FAF1: variants seen among roughly 807,000 people sequenced by gnomAD.
FAF1 encodes Fas associated factor 1, also known as FAS-associated factor 1.
Under a neutral mutation model 92.5 loss-of-function variants are expected in FAF1, and 25 were observed. That is an observed-to-expected ratio of 0.27 (90% CI 0.20 to 0.38). The LOEUF (loss-of-function observed/expected upper bound fraction) is 0.38, where lower values mean the gene tolerates loss of function less well. Among genes scored for constraint, FAF1 ranks in the 10% least tolerant of loss-of-function variants. FAF1 has a pLI of 1.00. For synonymous variants in FAF1, 234 were observed against 273.2 expected, an observed-to-expected ratio of 0.86 and a Z score of 1.42; for missense variants, 636 against 793.3, an observed-to-expected ratio of 0.80 and a Z score of 2.38.
At chr1:50,958,946 T>C (rs998077460) in intron 1 of FAF1, among the ~76,000 whole-genome samples, 1 of 152,226 alleles carries the variant, frequency 6.6e-6, no homozygotes, top group Non-Finnish European at 1.5e-5. Flanking sequence ...CACAGGATAT[T>C]AGTTCTAGCT....
At chr1:50,940,275 T>C (rs1191991993) in intron 1 of FAF1, among the ~76,000 whole-genome samples, 8 of 152,228 alleles carry the variant, frequency 5.3e-5, no homozygotes, top group Non-Finnish European at 1.2e-4. Flanking sequence ...AGTTATTTCA[T>C]ATCATCAAAT....
chr1:50,469,762 G>T (rs753537853), intron 18 of FAF1, among the ~76,000 whole-genome samples: 4 of 152,118 alleles, frequency 2.6e-5, no homozygotes, highest in Non-Finnish European at 4.4e-5. Context: ...GAGGGAAAGA[G>T]AAGAAAAGAA....
chr1:50,727,287 T>C (rs1448629934), intron 6 of FAF1, among the ~76,000 whole-genome samples: 1 of 152,352 alleles, frequency 6.6e-6, no homozygotes, highest in East Asian at 1.9e-4. Context: ...TACACCTCTA[T>C]ACATATTATA....
intron 2 of FAF1, among the ~76,000 whole-genome samples, chr1:50,857,047 G>A (rs1163401879): frequency 6.6e-6 from 1 of 151,638 alleles, no homozygotes; most frequent in African/African-American, 2.4e-5. Flanking sequence ...GGGATTAAAG[G>A]TAATTAATAT....
At chr1:50,599,653 A>G (rs1652001796) in intron 8 of FAF1, among the ~76,000 whole-genome samples, 1 of 152,192 alleles carries the variant, frequency 6.6e-6, no homozygotes, top group Non-Finnish European at 1.5e-5. Context: ...TATGTGACAA[A>G]TGGGAAGTAT....
intron 13 of FAF1, among the ~76,000 whole-genome samples, chr1:50,550,299 C>T (rs768834642): frequency 4.9e-5 from 7 of 142,726 alleles, no homozygotes; most frequent in African/African-American, 1.3e-4. Context: ...TGCAGTGAAT[C>T]GAGATCGCGC....
At chr1:50,768,497 T>G (rs1173532184) in intron 4 of FAF1, among the ~76,000 whole-genome samples, 1 of 152,108 alleles carries the variant, frequency 6.6e-6, no homozygotes, top group Non-Finnish European at 1.5e-5. Flanking sequence ...TTCTCATCTG[T>G]ACATGGTACA....
rs113252621 is a variant in FAF1, at chr1:50,719,363, C to T, written c.552-13472G>A. Among the ~76,000 whole-genome samples, 424 of 152,282 alleles carry T rather than the reference C, an allele frequency of 2.8e-3. 4 individuals carry two copies. The highest frequency in any genetic ancestry group is 9.7e-3 in the African/African-American group (402 of 41,544). Reference sequence around the variant, plus strand: ...CACAAGTTCTGTAACAATCTTAAAACCATGTTTAACGAAGGTTGGCCTCTT... The same window carrying T: ...CACAAGTTCTGTAACAATCTTAAAATCATGTTTAACGAAGGTTGGCCTCTT... On this transcript the variant is annotated intron_variant, in intron 6 of 18. Coordinates refer to ENST00000396153, the MANE Select transcript of FAF1 (RefSeq NM_007051.3).
rs937182890 is a variant in FAF1, at chr1:50,672,256, T to C, written c.658-16728A>G. Among the ~76,000 whole-genome samples, 3 of 152,198 alleles carry C rather than the reference T, an allele frequency of 2.0e-5. No individual in the cohort carries two copies. The East Asian group carries it at 5.8e-4, about 29-fold the overall frequency. On this transcript the variant is annotated intron_variant, in intron 7 of 18. Coordinates refer to ENST00000396153, the MANE Select transcript of FAF1 (RefSeq NM_007051.3). ...GAGACGGGGTTTATCTTGGCCAGGC[T>C]GGTCTTGAACTCCTGACCTTGTGAT...
intron 1 of FAF1, among the ~76,000 whole-genome samples, chr1:50,897,172 A>G (rs1393139339): frequency 6.6e-6 from 1 of 152,236 alleles, no homozygotes; most frequent in Non-Finnish European, 1.5e-5. Flanking sequence ...ATATATAAAT[A>G]AATGGAGAGA....
At chr1:50,787,467 T>TC (rs1210333413) in intron 4 of FAF1, among the ~76,000 whole-genome samples, 1 of 152,168 alleles carries the variant, frequency 6.6e-6, no homozygotes, top group Admixed American at 6.5e-5. Flanking sequence ...GACACAATGT[T>TC]CCCCACTTAG....
At chr1:50,678,776 C>CAAAAAAAAAAA (rs58946586) in intron 7 of FAF1, among the ~76,000 whole-genome samples, 1 of 13,930 alleles carries the variant, frequency 7.2e-5, no homozygotes, top group African/African-American at 1.9e-4. Context: ...GACTCCATCT[C>CAAAAAAAAAAA]AAAAAAAAAA....
intron 8 of FAF1, among the ~76,000 whole-genome samples, chr1:50,640,366 C>T (rs1386701029): frequency 6.6e-6 from 1 of 150,934 alleles, no homozygotes; most frequent in Non-Finnish European, 1.5e-5. Context: ...GATCTCGGCT[C>T]ACTGCAAGCT....
At position 50,497,394 on chromosome 1, in the gene FAF1, T is replaced by C. The variant is rs78558089; in HGVS notation, c.1495-5593A>G. Among the ~76,000 whole-genome samples, 858 of 152,120 alleles carry C rather than the reference T, an allele frequency of 5.6e-3. 6 individuals carry two copies. The highest frequency in any genetic ancestry group is 0.02 in the African/African-American group (821 of 41,520). The stretch of plus-strand genomic sequence containing the variant: ...CCTGAAAAAATTCATCAATAGTATA[T>C]GTATTACAGTAAAAGTTAAAGGAAG... On this transcript the variant is annotated intron_variant, in intron 15 of 18. Coordinates refer to ENST00000396153, the MANE Select transcript of FAF1 (RefSeq NM_007051.3).
At chr1:50,636,379 C>CT (rs1213567555) in intron 8 of FAF1, among the ~76,000 whole-genome samples, 10,725 of 79,946 alleles carry the variant, frequency 0.13, 1,041 homozygotes, top group African/African-American at 0.24. Context: ...GGGGCGTGTC[C>CT]TTTTTTTTTT....
chr1:50,912,021 G>A (rs937482015), intron 1 of FAF1, among the ~76,000 whole-genome samples: 1 of 151,700 alleles, frequency 6.6e-6, no homozygotes, highest in Admixed American at 6.6e-5. Context: ...TAGGTGGCAG[G>A]GTAAGACACT....
intron 6 of FAF1, among the ~76,000 whole-genome samples, chr1:50,728,857 G>A (rs1053966068): frequency 6.7e-6 from 1 of 150,296 alleles, no homozygotes; most frequent in Admixed American, 6.6e-5. Context: ...CTATAATCAA[G>A]CTGTAGTTTT....
intron 15 of FAF1, among the ~76,000 whole-genome samples, chr1:50,505,290 T>C (rs1647045822): frequency 6.6e-6 from 1 of 152,050 alleles, no homozygotes; most frequent in Non-Finnish European, 1.5e-5. Flanking sequence ...ACATGGAAAT[T>C]CCTTACACAG....
At chr1:50,955,574 T>C (rs541783457) in intron 1 of FAF1, among the ~76,000 whole-genome samples, 15 of 152,208 alleles carry the variant, frequency 9.9e-5, no homozygotes, top group Admixed American at 3.9e-4. Flanking sequence ...GAAAACAATA[T>C]GACAGTTCCT....
Sources: gnomAD v4.1 joint callset for allele counts (sites outside exome capture counted in the v4.1 genomes callset) on GRCh38, gnomAD v4.1.1 for gene constraint, MANE v1.5 for transcripts, NCBI Gene and HGNC (gene_info 2026-07-23, HGNC 2026-07-21) for gene names.